PDZD9: variants seen among roughly 807,000 people sequenced by gnomAD.
PDZD9 encodes PDZ domain-containing protein 9.
A neutral mutation model predicts 16.3 loss-of-function variants in PDZD9; 13 were observed. That is an observed-to-expected ratio of 0.80 (90% CI 0.52 to 1.27). PDZD9 has a LOEUF of 1.27. Among genes scored for constraint, PDZD9 ranks in the 50% most tolerant of loss-of-function variants. The pLI, the probability that PDZD9 is intolerant of heterozygous loss-of-function variation, is 0.00. For missense variants in PDZD9, 288 were observed against 310.9 expected, an observed-to-expected ratio of 0.93 and a Z score of 0.55; for synonymous variants, 120 against 111.0, an observed-to-expected ratio of 1.08 and a Z score of -0.51.
At chr16:21,968,273 A>G in the PDZD9 span, among the ~76,000 whole-genome samples, 1 of 152,128 alleles carries the variant, frequency 6.6e-6, no homozygotes, top group African/African-American at 2.4e-5. Flanking sequence ...GAGTGCTGGG[A>G]TTACAGACAT....
At chr16:21,994,086 C>G (rs1187234423) in intron 2 of PDZD9, among the ~76,000 whole-genome samples, 1 of 152,136 alleles carries the variant, frequency 6.6e-6, no homozygotes, top group Non-Finnish European at 1.5e-5. Context: ...GTCCCAGCTA[C>G]TGAGGAGGCT....
chr16:21,983,432 G>T (rs1217637617), downstream of PDZD9: 3 of 446,320 alleles, frequency 6.7e-6, no homozygotes, highest in African/African-American at 6.1e-5. Flanking sequence ...CTTTAAAGGA[G>T]ACAGGAATAT....
the PDZD9 span, chr16:21,971,599 GC>G: frequency 6.2e-7 from 1 of 1,614,138 alleles, no homozygotes; most frequent in Non-Finnish European, 8.5e-7. Flanking sequence ...TTTATCTGGT[GC>G]AAAGGCCAAC....
chr16:21,984,667 T>A lies in PDZD9; in HGVS notation c.402-7A>T, dbSNP rs1048778991. ...CTCAATTTTCTTTGGTGTGCTGAAA[T>A]GAAAAGAATAGTGAATAAAATAGAT... On this transcript the variant is annotated splice_region_variant and splice_polypyrimidine_tract_variant and intron_variant, in intron 3 of 3. Transcript: ENST00000424898. 4.0e-6 allele frequency: 6 copies of A among 1,493,794 alleles called. No individual in the cohort carries two copies. The highest frequency in any genetic ancestry group is 5.3e-6 in the Non-Finnish European group (6 of 1,121,544). 92.5% of individuals were successfully genotyped at this position (1,493,794 alleles called of 1,614,324 possible).
At chr16:21,964,322 T>C in the PDZD9 span, among the ~76,000 whole-genome samples, 18 of 152,206 alleles carry the variant, frequency 1.2e-4, no homozygotes, top group African/African-American at 3.6e-4. Flanking sequence ...GAACAGTTAC[T>C]GTGTAGTCTC....
At chr16:21,962,395 A>T in the PDZD9 span, 13 of 1,581,564 alleles carry the variant, frequency 8.2e-6, no homozygotes, top group African/African-American at 1.8e-4. Flanking sequence ...GGTTGATAGA[A>T]GATTATAAGG....
At chr16:21,983,219 G>A (rs769719920), downstream of PDZD9, 6 of 1,548,956 alleles carry the variant, frequency 3.9e-6, no homozygotes, top group African/African-American at 1.4e-5. Context: ...TCTCAGCCCA[G>A]AGCAGCAAAC....
chr16:22,000,825 AATGATGATGATGATGATGATG>A (rs10611346), intron 1 of PDZD9, among the ~76,000 whole-genome samples, 171 bp downstream of exon 1: 2 of 140,472 alleles, frequency 1.4e-5, no homozygotes, highest in East Asian at 2.1e-4. Flanking sequence ...CTCCTTCTCA[AATGATGATGATGATGATGATG>A]ATGATGATGA....
chr16:21,995,438 T>C, intron 2 of PDZD9: 4 of 309,722 alleles, frequency 1.3e-5, no homozygotes, highest in South Asian at 1.0e-4. Context: ...GGCCTTGAAT[T>C]CCTGGCATCA....
Position 21,999,237 on chromosome 16 carries a change from C to T in PDZD9, c.31+1780G>A, listed in dbSNP as rs188329311. On this transcript the variant is annotated intron_variant, in intron 1 of 3. Transcript: ENST00000424898. ...AGACATGAAACCTGAGGAAAGTGCT[C>T]GCTAGGGCCCAGTGGCAGGGACCCT... 11 of 208,134 alleles carry T rather than the reference C, an allele frequency of 5.3e-5. No homozygotes were observed. In the East Asian group the frequency reaches 5.7e-4, roughly 11 times the overall value. 12.9% of individuals were successfully genotyped at this position (208,134 alleles called of 1,614,324 possible). A position where few individuals can be genotyped will look rare whatever the true frequency, so the allele number is the denominator to read the frequency against.
the PDZD9 span, chr16:21,976,457 C>T: frequency 2.4e-6 from 1 of 424,094 alleles, no homozygotes; most frequent in Non-Finnish European, 4.2e-6. Context: ...TTTGGGAGGC[C>T]AAGGCAGGTG....
At chr16:21,978,996 G>A (rs984429410), downstream of PDZD9, among the ~76,000 whole-genome samples, 7 of 152,078 alleles carry the variant, frequency 4.6e-5, no homozygotes, top group Admixed American at 6.6e-5. Context: ...CAAGTGAAAC[G>A]ATAGCATAAG....
chr16:21,998,370 G>T (rs956410314), intron 1 of PDZD9: 5 of 211,402 alleles, frequency 2.4e-5, no homozygotes, highest in Non-Finnish European at 5.0e-5. Flanking sequence ...GTTCGGGAAG[G>T]CAAGAAACAC....
the PDZD9 span, among the ~76,000 whole-genome samples, chr16:21,973,727 G>GGTAACC: frequency 6.6e-6 from 1 of 152,144 alleles, no homozygotes; most frequent in African/African-American, 2.4e-5. Context: ...TTCTGAAAGA[G>GGTAACC]GTAACCTATT....
chr16:21,977,605 C>T, the PDZD9 span, among the ~76,000 whole-genome samples: 4 of 152,170 alleles, frequency 2.6e-5, no homozygotes, highest in East Asian at 1.9e-4. Flanking sequence ...ATTAGTAGTT[C>T]GAGGGTTTCT....
intron 2 of PDZD9, among the ~76,000 whole-genome samples, chr16:21,992,061 TTTAAA>T (rs1899035687): frequency 6.6e-6 from 1 of 152,106 alleles, no homozygotes; most frequent in Non-Finnish European, 1.5e-5. Context: ...TGTTGCAAAC[TTTAAA>T]TTAGATAACA....
chr16:21,968,705 T>C, the PDZD9 span: 1 of 1,594,844 alleles, frequency 6.3e-7, no homozygotes, highest in South Asian at 1.1e-5. Flanking sequence ...GAGTATTGCC[T>C]GCCTGTCAGT....
At chr16:21,983,504 A>G, downstream of PDZD9, 1 of 335,126 alleles carries the variant, frequency 3.0e-6, no homozygotes, top group Non-Finnish European at 5.3e-6. Context: ...TATCGGGGTA[A>G]ATAGTGCCAG....
intron 2 of PDZD9, among the ~76,000 whole-genome samples, chr16:21,990,155 G>A (rs1162892000): frequency 6.6e-6 from 1 of 152,088 alleles, no homozygotes; most frequent in Non-Finnish European, 1.5e-5. Flanking sequence ...GAGGAACCCT[G>A]GCTGCTACAA....
Sources: gnomAD v4.1 joint callset for allele counts (sites outside exome capture counted in the v4.1 genomes callset) on GRCh38, gnomAD v4.1.1 for gene constraint, MANE v1.5 for transcripts, NCBI Gene and HGNC (gene_info 2026-07-23, HGNC 2026-07-21) for gene names.